The following EYS variants were observed in gnomAD, a reference collection of about 807,000 sequenced individuals.
The protein encoded by EYS is EGF-like photoreceptor maintenance factor.
A neutral mutation model predicts 282.1 loss-of-function variants in EYS; 250 were observed. That is an observed-to-expected ratio of 0.89 (90% confidence interval 0.80 to 0.98). EYS has a LOEUF of 0.98. Among genes scored for constraint, EYS ranks in the 50% least tolerant of loss-of-function variants. The pLI is 0.00. For synonymous variants in EYS, 1,355 were observed against 1,282.9 expected (o/e 1.06, Z -1.20); for missense variants, 4,016 against 3,709.0 (o/e 1.08, Z -2.15).
At position 64,066,382 on chromosome 6, in the gene EYS, A is replaced by G. The variant is rs1771370546; in HGVS notation, c.6681T>C (p.Ala2227=). 6.4e-7 allele frequency: 1 copy of G among 1,551,752 alleles called. No individual in the cohort carries two copies. Among genetic ancestry groups the G allele is most frequent in the South Asian group, 1.2e-5 (1 of 84,020 alleles). The change falls in exon 33 of 43, where the codon GCT becomes GCC. Residue 2227 remains alanine, a synonymous_variant. Transcript: ENST00000503581. ...ATGCATTTGTGTTAATGCTGTAATT[A>G]GCAGAAACAGTCAAAATATTTTGAG... ...GNSQNILTVS[A]NYSINTNAFT... is the part of the protein sequence containing the mutation.
chr6:65,442,939 C>G lies in EYS; in HGVS notation c.863-37572G>C, dbSNP rs377503355. On this transcript the variant is annotated intron_variant, in intron 5 of 42. Coordinates refer to ENST00000503581, the MANE Select transcript of EYS (RefSeq NM_001142800.2). ...ATACATATGTACATATATGTATATA[C>G]GTATATACATGCACATACATATGTA... is the stretch of plus-strand genomic sequence containing the variant. Among the ~76,000 whole-genome samples the G allele has an allele frequency of 6.6e-5, 6 of 90,398 alleles. 1 individual carries two copies. The South Asian group carries it at 2.2e-3, about 33-fold the overall frequency. The allele number at this position is 90,398 out of a possible 152,430, so 59.3% of individuals were successfully genotyped here. A position where few individuals can be genotyped will look rare whatever the true frequency, so the allele number is the denominator to read the frequency against.
At chr6:64,726,728 A>G (rs1036965451) in intron 22 of EYS, among the ~76,000 whole-genome samples, 7 of 152,190 alleles carry the variant, frequency 4.6e-5, no homozygotes, top group African/African-American at 1.4e-4. Context: ...ATAGTAATAC[A>G]TTAAGATTTA....
chr6:63,747,771 C>T (rs1562007248), intron 41 of EYS, among the ~76,000 whole-genome samples: 2 of 151,924 alleles, frequency 1.3e-5, no homozygotes, highest in East Asian at 3.9e-4. Flanking sequence ...GGATTGCAAC[C>T]TCTGCTTATT....
intron 24 of EYS, among the ~76,000 whole-genome samples, chr6:64,610,442 C>T (rs1408701855): frequency 4.2e-5 from 6 of 142,008 alleles, no homozygotes; most frequent in Non-Finnish European, 6.0e-5. Flanking sequence ...CTCACTCTGT[C>T]GCCCAGGCTG....
intron 35 of EYS, among the ~76,000 whole-genome samples, chr6:63,876,443 ATTCTGTTGATTTGGGGTTGAGAG>A: frequency 6.6e-6 from 1 of 152,336 alleles, no homozygotes; most frequent in South Asian, 2.1e-4. Flanking sequence ...AAGAATGTAC[ATTCTGTTGATTTGGGGTTGAGAG>A]TTCTGTAAAT....
chr6:65,185,092 T>C (rs964330843), intron 12 of EYS, among the ~76,000 whole-genome samples: 3 of 151,760 alleles, frequency 2.0e-5, no homozygotes, highest in Admixed American at 1.3e-4. Flanking sequence ...TCAAATGTTA[T>C]ATATTGATAT....
intron 37 of EYS, among the ~76,000 whole-genome samples, chr6:63,792,592 A>AAT (rs963303022): frequency 6.6e-6 from 1 of 150,526 alleles, no homozygotes; most frequent in African/African-American, 2.4e-5. Context: ...GTATAATAAA[A>AAT]ATATATATAT....
At chr6:64,488,675 T>A (rs1776646505) in intron 26 of EYS, among the ~76,000 whole-genome samples, 1 of 150,992 alleles carries the variant, frequency 6.6e-6, no homozygotes, top group Admixed American at 6.6e-5. Context: ...TACACATGAA[T>A]TAATTAAAAC....
intron 35 of EYS, among the ~76,000 whole-genome samples, chr6:63,941,406 G>A (rs1459336527): frequency 6.6e-6 from 1 of 152,048 alleles, no homozygotes; most frequent in East Asian, 1.9e-4. Flanking sequence ...TCTCATTATG[G>A]TTTTGATTTG....
intron 19 of EYS, among the ~76,000 whole-genome samples, chr6:64,860,967 G>C (rs1466452677): frequency 6.6e-6 from 1 of 152,136 alleles, no homozygotes; most frequent in Non-Finnish European, 1.5e-5. Flanking sequence ...TTGGACTATG[G>C]GTGGCTATGG....
chr6:64,613,411 T>G (rs1051698929), intron 24 of EYS, among the ~76,000 whole-genome samples: 2 of 151,954 alleles, frequency 1.3e-5, no homozygotes, highest in Non-Finnish European at 2.9e-5. Flanking sequence ...AAATTCTGGG[T>G]TTTGGTCTGG....
chr6:64,193,927 T>C (rs554367123), intron 31 of EYS, among the ~76,000 whole-genome samples: 8 of 152,294 alleles, frequency 5.3e-5, no homozygotes, highest in African/African-American at 1.9e-4. Flanking sequence ...TGGTTCCAAG[T>C]CTTTGGTATT....
At chr6:64,258,449 T>A (rs1209428834) in intron 30 of EYS, among the ~76,000 whole-genome samples, 1 of 152,006 alleles carries the variant, frequency 6.6e-6, no homozygotes, top group Non-Finnish European at 1.5e-5. Context: ...AGGAAGGACT[T>A]TGTGCTATAG....
At chr6:63,767,699 C>T (rs958781953) in intron 40 of EYS, among the ~76,000 whole-genome samples, 6 of 151,898 alleles carry the variant, frequency 4.0e-5, no homozygotes, top group African/African-American at 1.4e-4. Context: ...AAACTACCAA[C>T]ATAATTTTTC....
At chr6:64,950,251 G>C (rs1197927717) in intron 14 of EYS, among the ~76,000 whole-genome samples, 1 of 151,894 alleles carries the variant, frequency 6.6e-6, no homozygotes, top group Non-Finnish European at 1.5e-5. Context: ...ATATACCAAA[G>C]GAGGGAGATT....
intron 2 of EYS, among the ~76,000 whole-genome samples, chr6:65,573,642 C>T (rs1246714242): frequency 6.6e-6 from 1 of 152,138 alleles, no homozygotes; most frequent in African/African-American, 2.4e-5. Context: ...GGCTCTGTGG[C>T]TGTACTGGTA....
chr6:64,378,747 A>G (rs1031584422), intron 29 of EYS, among the ~76,000 whole-genome samples: 2 of 152,144 alleles, frequency 1.3e-5, no homozygotes, highest in African/African-American at 2.4e-5. Context: ...TAGGAATCCA[A>G]CTCCAGACCT....
intron 32 of EYS, among the ~76,000 whole-genome samples, chr6:64,067,905 A>G (rs1267073968): frequency 6.6e-6 from 1 of 152,134 alleles, no homozygotes; most frequent in Non-Finnish European, 1.5e-5. Flanking sequence ...TCTAGTGTAG[A>G]TAGACATTTT....
At chr6:64,462,391 G>A (rs993281128) in intron 26 of EYS, among the ~76,000 whole-genome samples, 1 of 152,194 alleles carries the variant, frequency 6.6e-6, no homozygotes, top group Non-Finnish European at 1.5e-5. Flanking sequence ...ACTGGGCTCA[G>A]TGGGTTATGC....
Sources: allele counts gnomAD v4.1 joint callset (sites outside exome capture counted in the v4.1 genomes callset), GRCh38; gene constraint gnomAD v4.1.1; transcripts MANE v1.5; gene names NCBI Gene and HGNC (gene_info 2026-07-23, HGNC 2026-07-21).